Variants in NPC1 observed in about 807,000 individuals in gnomAD.
NPC1 encodes NPC intracellular cholesterol transporter 1.
Under a neutral mutation model 140.4 loss-of-function variants are expected in NPC1, and 85 were observed. That is an observed-to-expected ratio of 0.61 (90% CI 0.51 to 0.72). The LOEUF is 0.72. Among genes scored for constraint, NPC1 ranks in the 30% least tolerant of loss-of-function variants. The pLI is 0.00. For synonymous variants in NPC1, 656 were observed against 624.8 expected, an observed-to-expected ratio of 1.05 and a Z score of -0.74; for missense variants, 1,504 against 1,623.8, an observed-to-expected ratio of 0.93 and a Z score of 1.27.
At position 23,566,891 on chromosome 18, in the gene NPC1, G is replaced by A. The variant is rs553747373; in HGVS notation, c.463+1932C>T. 6.6e-5 allele frequency among the ~76,000 whole-genome samples: 10 copies of A among 152,280 alleles called. No individual in the cohort carries two copies. The South Asian group carries it at 1.9e-3, about 28-fold the overall frequency. ...TCACTGACTTTTTACTGTCTCCACG[G>A]TTTTGCCTTTTGTAGAACGTCATAT... On this transcript the variant is annotated intron_variant, in intron 4 of 24. Transcript: ENST00000269228.
chr18:23,534,496 C>T lies in NPC1; in HGVS notation c.3541G>A (p.Gly1181Ser), dbSNP rs1169900185. Reference protein sequence around the residue: ...ITRAFTVSMKGSRVERAEEAL... With the variant: ...ITRAFTVSMKSSRVERAEEAL... ...TCTTCCGCGCGCTCCACGCGGCTGC[C>T]TTTCATGCTCACCGTGAACGCTCTG... The change falls in exon 23 of 25, where the codon GGC becomes AGC. Residue 1181 changes from glycine (G) to serine (S), a missense_variant. By Grantham distance (56) the Gly-to-Ser change is moderately conservative. Transcript: ENST00000269228. 1 of 1,614,182 alleles carries T rather than the reference C, an allele frequency of 6.2e-7. No individual in the cohort carries two copies. The highest frequency in any genetic ancestry group is 1.1e-5 in the South Asian group (1 of 91,086).
rs1320904390 is a variant in NPC1 at position 23,532,056 on chromosome 18, C to A, written c.*146G>T. On this transcript the variant is annotated 3_prime_UTR_variant, in exon 25 of 25. Coordinates refer to ENST00000269228, the MANE Select transcript of NPC1 (RefSeq NM_000271.5). ...CAAGTCAACTGTGCATTCCTGAGTT[C>A]ACAGGCGCTACGTTCAAAGCTGCTG... The A allele has an allele frequency of 6.3e-7, 1 of 1,591,404 alleles. No homozygotes were observed. The highest frequency in any genetic ancestry group is 8.5e-7 in the Non-Finnish European group (1 of 1,170,248).
intron 5 of NPC1, 58 bp from the exon 6 acceptor site, chr18:23,560,538 ATTATAC>A (rs1230474123): frequency 8.9e-6 from 14 of 1,578,350 alleles, no homozygotes; most frequent in African/African-American, 1.3e-5. Context: ...AAAATTTTGT[ATTATAC>A]TTAAACTCAA....
intron 3 of NPC1, among the ~76,000 whole-genome samples, chr18:23,512,208 G>T (rs796639869): frequency 6.6e-6 from 1 of 151,600 alleles, no homozygotes; most frequent in East Asian, 1.9e-4. Context: ...TTTAGAAGAG[G>T]TGGGGTTTCA....
At chr18:23,541,003 C>G in intron 16 of NPC1, 65 bp downstream of exon 16, 2 of 1,577,830 alleles carry the variant, frequency 1.3e-6, no homozygotes, top group Non-Finnish European at 8.7e-7. Context: ...TGTCTGGCTT[C>G]TTAGAAGGCA....
chr18:23,556,803 G>C, intron 7 of NPC1, 190 bp from the exon 8 acceptor site: 1 of 857,888 alleles, frequency 1.2e-6, no homozygotes, highest in Non-Finnish European at 1.9e-6. Flanking sequence ...CTCAATGAGC[G>C]CTATTCCCAC....
At position 23,533,502 on chromosome 18, in the gene NPC1, T is replaced by C; in HGVS notation, c.3607A>G (p.Thr1203Ala). 4 of 1,614,254 alleles carry C rather than the reference T, an allele frequency of 2.5e-6. No individual in the cohort carries two copies. The highest frequency in any genetic ancestry group is 3.4e-6 in the Non-Finnish European group (4 of 1,180,030). Residue 1203 changes from threonine to alanine, a missense_variant, in exon 24 of 25, where the codon ACA becomes GCA. Thr to Ala is a moderately conservative substitution (Grantham distance 58, BLOSUM62 0). Coordinates refer to ENST00000269228, the MANE Select transcript of NPC1 (RefSeq NM_000271.5). ...ACAATCCCTCCAAATTTTGTAAGTG[T>C]GATTCCACTGAACACCTAAAAGAAG... ...HMGSSVFSGI[T>A]LTKFGGIVVL... is the part of the protein sequence containing the mutation.
chr18:23,518,645 C>T (rs139098244), downstream of NPC1, among the ~76,000 whole-genome samples: 374 of 152,302 alleles, frequency 2.5e-3, 3 homozygotes, highest in South Asian at 0.015. Context: ...TCATTTTAGA[C>T]TCTATGCTTA....
chr18:23,580,361 A>G (rs1323142234), intron 1 of NPC1, among the ~76,000 whole-genome samples: 3 of 152,164 alleles, frequency 2.0e-5, no homozygotes, highest in African/African-American at 2.4e-5. Context: ...TATCCTCAGA[A>G]TTGGAGAATG....
chr18:23,541,224 G>C lies in NPC1; in HGVS notation c.2374-16C>G, dbSNP rs2058709123. The C allele has an allele frequency of 1.9e-6, 3 of 1,614,048 alleles. No individual in the cohort carries two copies. The South Asian group carries it at 3.3e-5, about 18-fold the overall frequency. ...GCCGATTTTTCTGAGGGGACAGAGGGAAACAAAGGTTATACCCGCTAGCTG... is the reference window on the plus strand; with the variant it reads ...GCCGATTTTTCTGAGGGGACAGAGGCAAACAAAGGTTATACCCGCTAGCTG... On this transcript the variant is annotated splice_polypyrimidine_tract_variant and intron_variant, in intron 15 of 24. Transcript: ENST00000269228.
chr18:23,551,659 A>G lies in NPC1; in HGVS notation c.1622T>C (p.Val541Ala). Residue 541 changes from valine to alanine, a missense_variant, in exon 10 of 25, where the codon GTG (valine) becomes GCG (alanine). By Grantham distance (64) the Val-to-Ala change is moderately conservative (BLOSUM62 0). Transcript: ENST00000269228. ...DPCLGTFGGP[V>A]FPWLVLGGYD... is the part of the protein sequence containing the mutation. ...GCCTCCCAACACAAGCCACGGGAAC[A>G]CTGGTCCACCAAACGTACCCAGACA... is the stretch of plus-strand genomic sequence containing the variant. 1 of 1,614,148 alleles carries G rather than the reference A, an allele frequency of 6.2e-7. No homozygotes were observed. The highest frequency in any genetic ancestry group is 8.5e-7 in the Non-Finnish European group (1 of 1,179,962).
intron 1 of NPC1, among the ~76,000 whole-genome samples, chr18:23,575,677 A>G (rs2059264977): frequency 6.6e-6 from 1 of 151,702 alleles, no homozygotes; most frequent in East Asian, 1.9e-4. Context: ...AGACTTAAAA[A>G]ATTAACACCT....
downstream of NPC1, among the ~76,000 whole-genome samples, chr18:23,531,152 G>A (rs953121145): frequency 2.6e-5 from 4 of 151,972 alleles, no homozygotes; most frequent in African/African-American, 9.7e-5. Context: ...CACCACACCC[G>A]GCTGATTTTT....
chr18:23,507,911 G>A, intron 3 of NPC1: 1 of 1,358,268 alleles, frequency 7.4e-7, no homozygotes, highest in Non-Finnish European at 1.0e-6. Flanking sequence ...TTCTTGTCTT[G>A]TAGTATGCCA....
In NPC1 at chr18:23,533,346, A is replaced by T; in HGVS notation, c.3754+9T>A. On this transcript the variant is annotated intron_variant, in intron 24 of 24. Transcript: ENST00000269228. ...TATTGTGCCACCCTTTTAAGATGAG[A>T]ACTCTTACCTATGTAACTGAGTAAG... 1 of 1,612,548 alleles carries T rather than the reference A, an allele frequency of 6.2e-7. No individual in the cohort carries two copies. Among genetic ancestry groups the T allele is most frequent in the Non-Finnish European group, 8.5e-7 (1 of 1,178,516 alleles).
intron 3 of NPC1, among the ~76,000 whole-genome samples, chr18:23,516,909 A>G (rs2058023376): frequency 1.3e-5 from 2 of 151,852 alleles, no homozygotes; most frequent in Admixed American, 1.3e-4. Flanking sequence ...TATTTTTGGT[A>G]GAGACAGGGC....
chr18:23,514,191 G>A (rs1335814017), intron 3 of NPC1, among the ~76,000 whole-genome samples: 1 of 152,210 alleles, frequency 6.6e-6, no homozygotes, highest in African/African-American at 2.4e-5. Flanking sequence ...TTAATGCCAT[G>A]GTGCTTTGCT....
intron 1 of NPC1, among the ~76,000 whole-genome samples, chr18:23,575,769 CAAAAAA>C (rs35922440): frequency 6.0e-4 from 21 of 35,108 alleles, no homozygotes; most frequent in South Asian, 2.6e-3. Context: ...CAGAGAAGAC[CAAAAAA>C]AAAAAAAAAA....
Position 23,556,630 on chromosome 18 carries a change from G to A in NPC1, c.956-17C>T, listed in dbSNP as rs1567965970. On this transcript the variant is annotated splice_polypyrimidine_tract_variant and intron_variant, in intron 7 of 24. Coordinates refer to ENST00000269228, the MANE Select transcript of NPC1 (RefSeq NM_000271.5). ...ACGCCTCTCCTGGAAGAACGGGAGA[G>A]GAAGGGAAGGTGGAGGTTAAGAGCC... The A allele has an allele frequency of 1.9e-6, 3 of 1,613,706 alleles. No homozygotes were observed. Among genetic ancestry groups the A allele is most frequent in the Non-Finnish European group, 8.5e-7 (1 of 1,179,836 alleles).
Sources: gnomAD v4.1 joint callset for allele counts (sites outside exome capture counted in the v4.1 genomes callset) on GRCh38, gnomAD v4.1.1 for gene constraint, MANE v1.5 for transcripts, NCBI Gene and HGNC (gene_info 2026-07-23, HGNC 2026-07-21) for gene names.